TTC6: variants seen among roughly 807,000 people sequenced by gnomAD.
TTC6 encodes tetratricopeptide repeat domain 6, also known as tetratricopeptide repeat protein 6.
Under a neutral mutation model 210.4 loss-of-function variants are expected in TTC6, and 172 were observed. The ratio of observed to expected loss-of-function variants is 0.82; its 90% CI spans 0.72 to 0.93. The LOEUF is 0.93. TTC6 is among the 40% of genes least tolerant of loss of function. TTC6 has a pLI of 0.00. For missense variants in TTC6, 2,414 were observed against 2,318.1 expected (o/e 1.04, Z -0.85); for synonymous variants, 804 against 819.6 (o/e 0.98, Z 0.32).
chr14:37,787,876 T>C (rs2096071402), intron 15 of TTC6, among the ~76,000 whole-genome samples: 1 of 112,060 alleles, frequency 8.9e-6, no homozygotes, highest in Non-Finnish European at 1.7e-5. Flanking sequence ...ATGCCCTTTA[T>C]GTGTGTGTGT....
At chr14:37,780,852 C>T (rs2096052688) in intron 14 of TTC6, among the ~76,000 whole-genome samples, 1 of 152,088 alleles carries the variant, frequency 6.6e-6, no homozygotes, top group Non-Finnish European at 1.5e-5. Context: ...TTGTTCATCT[C>T]CCAGTTATGA....
At chr14:37,667,689 G>T (rs564900462) in intron 1 of TTC6, among the ~76,000 whole-genome samples, 6 of 150,682 alleles carry the variant, frequency 4.0e-5, no homozygotes, top group Non-Finnish European at 1.5e-5. Context: ...AGAATAAGGG[G>T]TGTTTATAAG....
At chr14:37,837,472 G>A (rs1477945970) in intron 29 of TTC6, 1 of 449,616 alleles carries the variant, frequency 2.2e-6, no homozygotes, top group Non-Finnish European at 4.5e-6. Context: ...TCCCAGGGAT[G>A]AGATGGATTT....
intron 5 of TTC6, among the ~76,000 whole-genome samples, chr14:37,711,980 G>A (rs995754713): frequency 6.6e-6 from 1 of 152,048 alleles, no homozygotes; most frequent in Admixed American, 6.6e-5. Context: ...TCTAGAAAGG[G>A]TTCGTTCTTT....
intron 1 of TTC6, among the ~76,000 whole-genome samples, 185 bp downstream of exon 3, chr14:37,623,188 A>G (rs2095654750): frequency 6.6e-6 from 1 of 152,094 alleles, no homozygotes; most frequent in South Asian, 2.1e-4. Flanking sequence ...GAATTTTTGA[A>G]TTTTCTGTCT....
intron 14 of TTC6, among the ~76,000 whole-genome samples, chr14:37,757,879 G>T (rs774954546): frequency 1.3e-5 from 2 of 152,056 alleles, no homozygotes; most frequent in East Asian, 3.9e-4. Context: ...GGTATGTTGC[G>T]TCTTTGTTCT....
At chr14:37,805,554 C>G (rs1178298318) in intron 21 of TTC6, among the ~76,000 whole-genome samples, 2 of 151,962 alleles carry the variant, frequency 1.3e-5, no homozygotes, top group Non-Finnish European at 2.9e-5. Context: ...ATTAGTTGTT[C>G]TATTAAGAAA....
chr14:37,740,868 A>G (rs371267303), intron 10 of TTC6, among the ~76,000 whole-genome samples: 64 of 152,342 alleles, frequency 4.2e-4, no homozygotes, highest in African/African-American at 1.4e-3. Flanking sequence ...AGGGTAATGC[A>G]CACAGCACCA....
At chr14:37,808,867 A>C in intron 24 of TTC6, 21 bp downstream of exon 26, 1 of 1,254,480 alleles carries the variant, frequency 8.0e-7, no homozygotes, top group Non-Finnish European at 1.1e-6. Context: ...CATTTTAGTA[A>C]ACAATGTGTT....
chr14:37,819,618 A>G (rs878960979), intron 26 of TTC6, among the ~76,000 whole-genome samples: 2 of 152,234 alleles, frequency 1.3e-5, no homozygotes, highest in Admixed American at 6.5e-5. Flanking sequence ...TTCAAAAAAT[A>G]ATATCATAGA....
intron 7 of TTC6, among the ~76,000 whole-genome samples, chr14:37,726,625 G>A (rs995444817): frequency 2.0e-5 from 3 of 151,936 alleles, no homozygotes; most frequent in Non-Finnish European, 2.9e-5. Context: ...AGGTTAACTG[G>A]ATAGCATTTC....
At chr14:37,707,805 A>G (rs992627532) in intron 5 of TTC6, among the ~76,000 whole-genome samples, 17 of 152,084 alleles carry the variant, frequency 1.1e-4, no homozygotes, top group African/African-American at 4.1e-4. Flanking sequence ...CTGGCTACCC[A>G]AAGTTAATAT....
intron 14 of TTC6, among the ~76,000 whole-genome samples, chr14:37,768,524 G>T (rs982999252): frequency 6.6e-6 from 1 of 152,144 alleles, no homozygotes; most frequent in African/African-American, 2.4e-5. Flanking sequence ...CACTTCCCTT[G>T]TAAGTTGGAT....
At chr14:37,619,601 C>A (rs2095648113), upstream of TTC6, among the ~76,000 whole-genome samples, 1 of 152,010 alleles carries the variant, frequency 6.6e-6, no homozygotes, top group Admixed American at 6.6e-5. Context: ...TTGAAAAATT[C>A]TTTTATCATC....
intron 1 of TTC6, among the ~76,000 whole-genome samples, chr14:37,633,065 G>C (rs2095673139): frequency 6.6e-6 from 1 of 152,196 alleles, no homozygotes; most frequent in Non-Finnish European, 1.5e-5. Flanking sequence ...GGGCTCCGTG[G>C]GGGTGAGATC....
At chr14:37,826,283 C>G (rs752979683) in exon 28 of TTC6, 1 of 1,612,664 alleles carries the variant, frequency 6.2e-7, no homozygotes. Flanking sequence ...GAAGGAAGAG[C>G]TGTGGTCTGT....
At chr14:37,805,388 T>C (rs375840011) in intron 21 of TTC6, among the ~76,000 whole-genome samples, 2 of 151,186 alleles carry the variant, frequency 1.3e-5, no homozygotes, top group African/African-American at 4.9e-5. Flanking sequence ...CAATGGCTAA[T>C]GTTGGATATT....
intron 4 of TTC6, 37 bp from the exon 7 acceptor site, chr14:37,701,295 A>G (rs1383559393): frequency 7.5e-7 from 1 of 1,331,412 alleles, no homozygotes; most frequent in South Asian, 2.1e-5. Context: ...AGTCCACAAA[A>G]TGATGAAAGG....
rs532773638 is a variant in TTC6 at position 37,608,856 on chromosome 14, AG to A, written c.-155+2119del. Among the ~76,000 whole-genome samples, 269 of 152,208 alleles carry A rather than the reference AG, an allele frequency of 1.8e-3. 1 individual carries two copies. Among genetic ancestry groups the A allele is most frequent in the African/African-American group, 6.1e-3 (254 of 41,512 alleles). ...TTTCACTCATACTGTAGTGAACTACAGGGGGCTTTGAAGCTGGGTAGCAAGA... is the reference window on the plus strand; with the variant it reads ...TTTCACTCATACTGTAGTGAACTACAGGGGCTTTGAAGCTGGGTAGCAAGA... On this transcript the variant is annotated intron_variant, in intron 2 of 2. Coordinates refer to the TTC6 transcript ENST00000556845.
Sources: gnomAD v4.1 joint callset for allele counts (sites outside exome capture counted in the v4.1 genomes callset) on GRCh38, gnomAD v4.1.1 for gene constraint, MANE v1.5 for transcripts, NCBI Gene and HGNC (gene_info 2026-07-23, HGNC 2026-07-21) for gene names.